Variants in CHCHD3 observed in about 807,000 individuals in gnomAD.
CHCHD3 encodes coiled-coil-helix-coiled-coil-helix domain containing 3.
Under a neutral mutation model 38.2 loss-of-function variants are expected in CHCHD3, and 20 were observed. That is an observed-to-expected ratio of 0.52 (90% CI 0.37 to 0.76). The LOEUF is 0.76. Ranked by LOEUF, CHCHD3 falls within the 30% of genes least tolerant of loss-of-function variation. CHCHD3 has a pLI of 0.00. For synonymous variants in CHCHD3, 82 were observed against 100.0 expected, an observed-to-expected ratio of 0.82 and a Z score of 1.07; for missense variants, 245 against 279.2, an observed-to-expected ratio of 0.88 and a Z score of 0.87.
intron 5 of CHCHD3, among the ~76,000 whole-genome samples, chr7:132,879,292 A>G (rs1370101581): frequency 6.6e-6 from 1 of 152,024 alleles, no homozygotes; most frequent in Non-Finnish European, 1.5e-5. Context: ...CAAAGAACAA[A>G]TGCATGCCAC....
intron 4 of CHCHD3, among the ~76,000 whole-genome samples, chr7:132,886,011 A>G (rs1055015346): frequency 6.6e-6 from 1 of 152,180 alleles, no homozygotes; most frequent in Non-Finnish European, 1.5e-5. Context: ...AGCACATAAC[A>G]GACTCTTATT....
At chr7:132,948,046 T>C (rs568495829) in intron 4 of CHCHD3, among the ~76,000 whole-genome samples, 16 of 152,170 alleles carry the variant, frequency 1.1e-4, no homozygotes, top group African/African-American at 3.4e-4. Flanking sequence ...AAACTTGCAA[T>C]GTCATTATCA....
chr7:132,863,744 T>G (rs1808547704), intron 5 of CHCHD3, among the ~76,000 whole-genome samples: 1 of 152,268 alleles, frequency 6.6e-6, no homozygotes, highest in South Asian at 2.1e-4. Context: ...GATACCTTGC[T>G]CCAGCTTCCA....
At chr7:132,930,776 G>A (rs554168114) in intron 4 of CHCHD3, among the ~76,000 whole-genome samples, 3 of 152,016 alleles carry the variant, frequency 2.0e-5, no homozygotes, top group East Asian at 1.9e-4. Context: ...TTCTCCCATC[G>A]CTATACCTTT....
rs867960351 is a variant in CHCHD3, at chr7:132,985,779, C to T, written c.252-10493G>A. ...CCAGCCACCCCGTCCGGGAGGGAGG[C>T]GGGGGGGTCAGCCCCCCGCCCGGCC... On this transcript the variant is annotated intron_variant, in intron 3 of 7. Coordinates refer to ENST00000262570, the MANE Select transcript of CHCHD3 (RefSeq NM_017812.4). 6.0e-4 allele frequency among the ~76,000 whole-genome samples: 36 copies of T among 60,086 alleles called. 2 individuals are homozygous for T. In the South Asian group the frequency reaches 8.9e-3, roughly 15 times the overall value. The allele number at this position is 60,086 out of a possible 152,430, so 39.4% of individuals were successfully genotyped here.
intron 6 of CHCHD3, among the ~76,000 whole-genome samples, chr7:132,834,903 G>T (rs1432077993): frequency 2.6e-5 from 4 of 151,978 alleles, no homozygotes; most frequent in Non-Finnish European, 5.9e-5. Flanking sequence ...ATACCACATG[G>T]TCCAAGGGGC....
intron 4 of CHCHD3, among the ~76,000 whole-genome samples, chr7:132,959,794 C>G (rs1811268032): frequency 6.6e-6 from 1 of 151,030 alleles, no homozygotes; most frequent in Non-Finnish European, 1.5e-5. Context: ...TGGCATAGAT[C>G]AATTTCTAGT....
intron 5 of CHCHD3, 34 bp from the exon 6 acceptor site, chr7:132,838,503 A>C (rs762139316): frequency 6.9e-7 from 1 of 1,458,670 alleles, no homozygotes; most frequent in South Asian, 1.2e-5. Context: ...AGGTTTCACT[A>C]TCCAAGATGA....
At chr7:132,908,236 G>C (rs1057084561) in intron 4 of CHCHD3, among the ~76,000 whole-genome samples, 1 of 152,074 alleles carries the variant, frequency 6.6e-6, no homozygotes, top group African/African-American at 2.4e-5. Context: ...TGCTGCCACG[G>C]TGCAGGAAAA....
At chr7:132,849,425 G>A (rs1459354180) in intron 5 of CHCHD3, 2 of 152,136 alleles carry the variant, frequency 1.3e-5, no homozygotes, top group East Asian at 1.9e-4. Context: ...TTGTGTATAT[G>A]GATGAGTGAA....
At chr7:132,979,433 C>A (rs1415069541) in intron 3 of CHCHD3, among the ~76,000 whole-genome samples, 1 of 152,098 alleles carries the variant, frequency 6.6e-6, no homozygotes, top group Non-Finnish European at 1.5e-5. Flanking sequence ...GAGACACAGT[C>A]CCTACTTTCA....
chr7:133,037,437 A>T (rs1813710974), intron 2 of CHCHD3, among the ~76,000 whole-genome samples: 1 of 152,244 alleles, frequency 6.6e-6, no homozygotes, highest in South Asian at 2.1e-4. Context: ...AAAAGATACC[A>T]GGCTGAACAC....
intron 4 of CHCHD3, among the ~76,000 whole-genome samples, chr7:132,929,183 T>C (rs1457177022): frequency 2.0e-5 from 3 of 152,242 alleles, no homozygotes; most frequent in Non-Finnish European, 4.4e-5. Context: ...TTCAACACTA[T>C]TTTTTATTAT....
chr7:132,812,360 C>A (rs1209387236), intron 6 of CHCHD3, among the ~76,000 whole-genome samples: 1 of 151,826 alleles, frequency 6.6e-6, no homozygotes, highest in African/African-American at 2.4e-5. Context: ...CAGGTGTCCA[C>A]CACCAAGCCC....
In CHCHD3 at chr7:132,851,977, C is replaced by T. The variant is rs149296292; in HGVS notation, c.454-13508G>A. 9.9e-5 allele frequency among the ~76,000 whole-genome samples: 15 copies of T among 152,272 alleles called. No individual in the cohort carries two copies. The East Asian group carries it at 1.2e-3, about 12-fold the overall frequency. On this transcript the variant is annotated intron_variant, in intron 5 of 7. Transcript: ENST00000262570. ...TGCTTGCTCAGCTACAGGAGGAGCA[C>T]GTGCACACAGAGTCCTCTTGAAAAC...
At chr7:133,034,885 A>T (rs1473475075) in intron 2 of CHCHD3, 2 of 1,610,744 alleles carry the variant, frequency 1.2e-6, no homozygotes, top group South Asian at 2.2e-5. Context: ...AGTCGCTGGA[A>T]CATTCCAGTG....
At chr7:132,838,632 T>C (rs532413892) in intron 5 of CHCHD3, among the ~76,000 whole-genome samples, 163 bp from the exon 6 acceptor site, 1 of 152,234 alleles carries the variant, frequency 6.6e-6, no homozygotes, top group African/African-American at 2.4e-5. Flanking sequence ...CATGTAAAGC[T>C]ACTCGTTTAA....
chr7:132,856,216 G>A (rs947340321), intron 5 of CHCHD3, among the ~76,000 whole-genome samples: 3 of 151,818 alleles, frequency 2.0e-5, no homozygotes, highest in African/African-American at 7.3e-5. Context: ...TTCCAAACAA[G>A]ACCTATAAGC....
chr7:132,827,098 A>G (rs1033024469), intron 6 of CHCHD3, among the ~76,000 whole-genome samples: 2 of 152,236 alleles, frequency 1.3e-5, no homozygotes, highest in Non-Finnish European at 2.9e-5. Context: ...TAGGAATCCT[A>G]CATTTAAGAC....
Sources: allele counts gnomAD v4.1 joint callset (sites outside exome capture counted in the v4.1 genomes callset), GRCh38; gene constraint gnomAD v4.1.1; transcripts MANE v1.5; gene names NCBI Gene and HGNC (gene_info 2026-07-23, HGNC 2026-07-21).